Variants in HNRNPLL observed in about 807,000 individuals in gnomAD.
HNRNPLL encodes the protein heterogeneous nuclear ribonucleoprotein L-like.
HNRNPLL carries 25 observed loss-of-function variants against 67.1 expected under a neutral mutation model. That is an observed-to-expected ratio of 0.37 (90% confidence interval 0.27 to 0.52). The LOEUF is 0.52. Ranked by LOEUF, HNRNPLL falls within the 20% of genes least tolerant of loss-of-function variation. HNRNPLL has a pLI of 0.90. For missense variants in HNRNPLL, 542 were observed against 673.9 expected (o/e 0.80, Z 2.17); for synonymous variants, 267 against 241.7 (o/e 1.10, Z -0.97).
chr2:38,594,506 G>A (rs140254922), intron 1 of HNRNPLL, among the ~76,000 whole-genome samples: 127 of 152,194 alleles, frequency 8.3e-4, no homozygotes, highest in African/African-American at 2.3e-3. Flanking sequence ...ATATGCAGAT[G>A]TAGAGAAAAA....
intron 2 of HNRNPLL, among the ~76,000 whole-genome samples, chr2:38,589,951 T>C (rs546971714): frequency 3.9e-5 from 6 of 152,294 alleles, no homozygotes; most frequent in African/African-American, 1.2e-4. Context: ...AGAAGGTCCT[T>C]ATAGAGACAG....
chr2:38,583,691 A>G (rs998165858), intron 4 of HNRNPLL, 150 bp downstream of exon 4: 1 of 449,222 alleles, frequency 2.2e-6, no homozygotes, highest in Non-Finnish European at 4.1e-6. Flanking sequence ...AAAATTCCCT[A>G]TGAGTACTGC....
intron 2 of HNRNPLL, 127 bp downstream of exon 2, chr2:38,591,403 C>T (rs1445715992): frequency 1.5e-6 from 1 of 672,272 alleles, no homozygotes; most frequent in Non-Finnish European, 2.7e-6. Context: ...CATAGGCAAA[C>T]AATAGATACT....
rs748463243 is a variant in HNRNPLL at position 38,602,662 on chromosome 2, G to A, written c.-36C>T. ...GGAGGGACCGGCTGGCAGGCGGGTG[G>A]GGGTGGCGGTGGGGCGCGCGCCTCG... On this transcript the variant is annotated 5_prime_UTR_variant, in exon 1 of 13. Coordinates refer to ENST00000449105, the MANE Select transcript of HNRNPLL (RefSeq NM_138394.4). The A allele has an allele frequency of 2.7e-6, 4 of 1,462,878 alleles. No homozygotes were observed. The highest frequency in any genetic ancestry group is 3.6e-6 in the Non-Finnish European group (4 of 1,112,430). The allele number at this position is 1,462,878 out of a possible 1,614,324, so 90.6% of individuals were successfully genotyped here. A position where few individuals can be genotyped will look rare whatever the true frequency, so the allele number is the denominator to read the frequency against.
intron 3 of HNRNPLL, among the ~76,000 whole-genome samples, chr2:38,584,829 C>T (rs958173242): frequency 6.6e-6 from 1 of 151,960 alleles, no homozygotes; most frequent in Non-Finnish European, 1.5e-5. Context: ...TACACAGCTG[C>T]ATTGTTACAC....
chr2:38,568,022 T>C (rs186938090), intron 12 of HNRNPLL, 177 bp downstream of exon 12: 2 of 514,842 alleles, frequency 3.9e-6, no homozygotes, highest in Non-Finnish European at 6.8e-6. Context: ...CTAAATTTTA[T>C]GGCAATTTGT....
chr2:38,602,841 C>G lies in HNRNPLL; in HGVS notation c.-215G>C. ...CCCCGGGAGGAAGCTCTGGAGCGGCCGCTCCTCTCAATTACCGAGCCAACA... is the reference window on the plus strand; with the variant it reads ...CCCCGGGAGGAAGCTCTGGAGCGGCGGCTCCTCTCAATTACCGAGCCAACA... On this transcript the variant is annotated 5_prime_UTR_variant, in exon 1 of 13. Coordinates refer to ENST00000449105, the MANE Select transcript of HNRNPLL (RefSeq NM_138394.4). 6.5e-7 allele frequency: 1 copy of G among 1,548,960 alleles called. No homozygotes were observed.
intron 6 of HNRNPLL, among the ~76,000 whole-genome samples, chr2:38,580,501 G>A (rs956987181): frequency 1.3e-5 from 2 of 152,122 alleles, no homozygotes; most frequent in South Asian, 2.1e-4. Flanking sequence ...TAGAGTACAT[G>A]CACTATAGAG....
chr2:38,570,134 C>T (rs75958086), intron 8 of HNRNPLL, among the ~76,000 whole-genome samples: 2 of 152,202 alleles, frequency 1.3e-5, no homozygotes, highest in Non-Finnish European at 2.9e-5. Flanking sequence ...CACTGAAGAA[C>T]AGCACAGGCT....
chr2:38,579,482 A>G (rs1019800269), intron 6 of HNRNPLL, among the ~76,000 whole-genome samples: 1 of 152,050 alleles, frequency 6.6e-6, no homozygotes, highest in African/African-American at 2.4e-5. Flanking sequence ...ACTGCGTAAC[A>G]GGTCACGTAA....
chr2:38,568,059 G>A (rs1390773502), intron 12 of HNRNPLL, 140 bp downstream of exon 12: 6 of 592,514 alleles, frequency 1.0e-5, no homozygotes, highest in Admixed American at 6.7e-5. Context: ...ACTAATACAG[G>A]AATTAATATG....
At chr2:38,591,420 T>C (rs896507331) in intron 2 of HNRNPLL, 110 bp downstream of exon 2, 6 of 713,690 alleles carry the variant, frequency 8.4e-6, no homozygotes, top group Non-Finnish European at 1.5e-5. Context: ...TACTACTTTG[T>C]TTATATATAC....
At chr2:38,587,309 C>T (rs1045490440) in intron 2 of HNRNPLL, among the ~76,000 whole-genome samples, 1 of 152,152 alleles carries the variant, frequency 6.6e-6, no homozygotes, top group Admixed American at 6.5e-5. Context: ...AAACTCTAAG[C>T]GGATTGCCTT....
chr2:38,564,092 G>C lies in HNRNPLL; in HGVS notation c.*90C>G. 1.2e-6 allele frequency: 1 copy of C among 824,536 alleles called. No homozygotes were observed. The highest frequency in any genetic ancestry group is 2.5e-5 in the East Asian group (1 of 40,562). 51.1% of individuals were successfully genotyped at this position (824,536 alleles called of 1,614,324 possible). A position where few individuals can be genotyped will look rare whatever the true frequency, so the allele number is the denominator to read the frequency against. On this transcript the variant is annotated 3_prime_UTR_variant, in exon 13 of 13. Coordinates refer to ENST00000449105, the MANE Select transcript of HNRNPLL (RefSeq NM_138394.4). Reference sequence around the variant, plus strand: ...GATCTTAAAGTAAGCAAGGCAACATGAGATCAACCATTTTAGATTTTTTTT... The same window carrying C: ...GATCTTAAAGTAAGCAAGGCAACATCAGATCAACCATTTTAGATTTTTTTT...
At chr2:38,599,595 A>G (rs1386823198) in intron 1 of HNRNPLL, among the ~76,000 whole-genome samples, 1 of 152,160 alleles carries the variant, frequency 6.6e-6, no homozygotes, top group Non-Finnish European at 1.5e-5. Flanking sequence ...AAGGTACCAG[A>G]AGACACAAAT....
intron 3 of HNRNPLL, among the ~76,000 whole-genome samples, chr2:38,584,814 TAA>T (rs138065312): frequency 0.011 from 1,711 of 152,196 alleles, 22 homozygotes; most frequent in South Asian, 0.062. Context: ...TGAGCATCTA[TAA>T]TTTACACAGC....
chr2:38,595,310 A>AAAAACAC (rs1553371143), intron 1 of HNRNPLL, among the ~76,000 whole-genome samples: 1 of 148,890 alleles, frequency 6.7e-6, no homozygotes. Flanking sequence ...AAAGAAAAAA[A>AAAAACAC]CACAAAACAA....
intron 6 of HNRNPLL, 48 bp from the exon 7 acceptor site, chr2:38,577,580 T>C (rs1666349136): frequency 8.8e-7 from 1 of 1,133,496 alleles, no homozygotes; most frequent in South Asian, 1.2e-5. Context: ...ACCCAAGTAC[T>C]TAATGGAGTT....
intron 1 of HNRNPLL, among the ~76,000 whole-genome samples, chr2:38,591,849 G>A (rs1329632557): frequency 6.6e-6 from 1 of 152,038 alleles, no homozygotes; most frequent in Non-Finnish European, 1.5e-5. Context: ...GGTGGCACGT[G>A]TCTGTAATCC....
Sources: gnomAD v4.1 joint callset for allele counts (sites outside exome capture counted in the v4.1 genomes callset) on GRCh38, gnomAD v4.1.1 for gene constraint, MANE v1.5 for transcripts, NCBI Gene and HGNC (gene_info 2026-07-23, HGNC 2026-07-21) for gene names.